Variants in KMT2C observed in about 807,000 individuals in gnomAD.
KMT2C encodes lysine methyltransferase 2C.
In KMT2C, 88 loss-of-function variants were observed where a neutral mutation model predicts 507.9. The ratio of observed to expected loss-of-function variants is 0.17; its 90% CI spans 0.15 to 0.21. KMT2C has a LOEUF of 0.21. Ranked by LOEUF, KMT2C falls within the 10% of genes least tolerant of loss-of-function variation. KMT2C has a pLI of 1.00. For missense variants in KMT2C, 4,954 were observed against 5,957.8 expected (o/e 0.83, Z 5.55); for synonymous variants, 2,049 against 2,080.8 (o/e 0.98, Z 0.42).
In KMT2C at chr7:152,163,730, T is replaced by C; in HGVS notation, c.9847A>G (p.Ser3283Gly). 6.2e-7 allele frequency: 1 copy of C among 1,614,188 alleles called. No homozygotes were observed. Among genetic ancestry groups the C allele is most frequent in the Non-Finnish European group, 8.5e-7 (1 of 1,180,018 alleles). The change falls in exon 43 of 59, where the codon AGT becomes GGT. Residue 3283 changes from serine to glycine, a missense_variant. Around this residue, in one of 29 missense-constraint regions of KMT2C, gnomAD observed 801 missense variants for 751.2 expected, o/e 1.07. Transcript: ENST00000262189. ...ATTAGGGGTGGCTGGGGCTGGACAC[T>C]GGGCATCATGGTAGGTGGGGCCATT... ...CAMAPPTMMP[S>G]VQPQPPLIPG...
Position 152,235,911 on chromosome 7 carries a change from C to T in KMT2C, c.2675G>A (p.Gly892Glu), listed in dbSNP as rs372408170. The T allele has an allele frequency of 2.6e-4, 422 of 1,611,708 alleles. No homozygotes were observed. The highest frequency in any genetic ancestry group is 1.2e-4 in the Admixed American group (7 of 59,992). ...IKVGRGSGFP[G>E]KRRPRGAGLS... ...TCCTGCACCTCGAGGTCTCCGCTTT[C>T]CTGGAAATCCAGACCCACGGCCCTA... The change falls in exon 16 of 59, where the codon GGA (glycine) becomes GAA (glutamate). Residue 892 changes from glycine (G) to glutamate (E), a missense_variant. Transcript: ENST00000262189.
At chr7:152,141,356 AATCT>A (rs2090514638) in intron 55 of KMT2C, among the ~76,000 whole-genome samples, 1 of 151,822 alleles carries the variant, frequency 6.6e-6, no homozygotes, top group Non-Finnish European at 1.5e-5. Context: ...CATGTATGAA[AATCT>A]AACGTACAGT....
intron 1 of KMT2C, among the ~76,000 whole-genome samples, chr7:152,371,672 G>A (rs1369270130): frequency 6.6e-6 from 1 of 151,696 alleles, no homozygotes; most frequent in Non-Finnish European, 1.5e-5. Context: ...GGAGTGCAGT[G>A]GCATGATCTC....
intron 6 of KMT2C, among the ~76,000 whole-genome samples, chr7:152,302,015 G>T (rs1468070596): frequency 2.0e-5 from 3 of 151,976 alleles, no homozygotes; most frequent in African/African-American, 7.3e-5. Context: ...CTATAGGAAG[G>T]CTATTTTTGT....
In KMT2C at chr7:152,414,299, G is replaced by C. The variant is rs892083690; in HGVS notation, c.161+21327C>G. On this transcript the variant is annotated intron_variant, in intron 1 of 58. Transcript: ENST00000262189. Reference sequence around the variant, plus strand: ...ATCCCAGCATTTTGGGAGGCCAAGGGGGTGCGGATCACCTGAGGTCAGGAG... The same window carrying C: ...ATCCCAGCATTTTGGGAGGCCAAGGCGGTGCGGATCACCTGAGGTCAGGAG... 4.6e-5 allele frequency among the ~76,000 whole-genome samples: 7 copies of C among 150,840 alleles called. No individual in the cohort carries two copies. In the East Asian group the frequency reaches 1.2e-3, roughly 26 times the overall value.
intron 2 of KMT2C, among the ~76,000 whole-genome samples, chr7:152,331,607 T>TCAA (rs368990623): frequency 0.12 from 16,401 of 134,176 alleles, 1,143 homozygotes; most frequent in South Asian, 0.17. Flanking sequence ...AGATCCTACC[T>TCAA]CAACAACAAC....
chr7:152,396,672 A>G (rs1401393287), intron 1 of KMT2C, among the ~76,000 whole-genome samples: 2 of 152,192 alleles, frequency 1.3e-5, no homozygotes, highest in East Asian at 3.8e-4. Flanking sequence ...GTGATTTAGT[A>G]AAGAAAAAAT....
chr7:152,357,515 G>A (rs2097162155), intron 2 of KMT2C, among the ~76,000 whole-genome samples: 1 of 151,898 alleles, frequency 6.6e-6, no homozygotes, highest in Admixed American at 6.6e-5. Flanking sequence ...CCAGGCAACA[G>A]AGCAAGACTC....
At chr7:152,236,973 C>A (rs959143661) in intron 15 of KMT2C, among the ~76,000 whole-genome samples, 5 of 152,150 alleles carry the variant, frequency 3.3e-5, no homozygotes, top group African/African-American at 9.7e-5. Flanking sequence ...ACTTCTTACA[C>A]AAGAAATAAA....
In KMT2C at chr7:152,177,098, T is replaced by C; in HGVS notation, c.8355A>G (p.Leu2785=). ...GTTCAACAGATACACACTGATTATC[T>C]AACTTATCATCAATTGGAAGGTCTA... ...EELDLPIDDK[L]DNQCVSVEPK... Residue 2785 remains leucine, a synonymous_variant, in exon 38 of 59, where the codon TTA becomes TTG. Transcript: ENST00000262189. 1.2e-6 allele frequency: 2 copies of C among 1,612,688 alleles called. No individual in the cohort carries two copies. The highest frequency in any genetic ancestry group is 1.7e-6 in the Non-Finnish European group (2 of 1,179,294).
intron 8 of KMT2C, 41 bp from the exon 9 acceptor site, chr7:152,263,171 C>T (rs754260032): frequency 6.5e-7 from 1 of 1,534,112 alleles, no homozygotes; most frequent in East Asian, 2.3e-5. Context: ...TATCTTTAAA[C>T]TTATGTTTTG....
chr7:152,380,997 C>A (rs1589602211), intron 1 of KMT2C, among the ~76,000 whole-genome samples: 1 of 152,284 alleles, frequency 6.6e-6, no homozygotes, highest in East Asian at 1.9e-4. Context: ...GTATTAGAAT[C>A]ATTTATATAC....
chr7:152,373,963 T>C (rs10274209), intron 1 of KMT2C, among the ~76,000 whole-genome samples: 5,717 of 152,194 alleles, frequency 0.038, 378 homozygotes, highest in African/African-American at 0.13. Context: ...CTATAGAATA[T>C]GATAAAGTGC....
chr7:152,144,601 T>C lies in KMT2C; in HGVS notation c.14343+112A>G, dbSNP rs1013822117. On this transcript the variant is annotated intron_variant, in intron 55 of 58. Transcript: ENST00000262189. This position sits in a 1 kb window ranked among gnomAD's most constrained non-coding sequence, Gnocchi z 4.4. Reference sequence around the variant, plus strand: ...GATTTGATACGATTTTGAAAACACGTTTCTGTCCCTGCAGCTATGTGAAAT... The same window carrying C: ...GATTTGATACGATTTTGAAAACACGCTTCTGTCCCTGCAGCTATGTGAAAT... The C allele has an allele frequency of 9.5e-7, 1 of 1,053,306 alleles. No individual in the cohort carries two copies. The highest frequency in any genetic ancestry group is 1.4e-6 in the Non-Finnish European group (1 of 711,652). The allele number at this position is 1,053,306 out of a possible 1,614,324, so 65.2% of individuals were successfully genotyped here.
intron 4 of KMT2C, among the ~76,000 whole-genome samples, chr7:152,313,277 A>G (rs1188205965): frequency 6.6e-6 from 1 of 152,086 alleles, no homozygotes; most frequent in African/African-American, 2.4e-5. Flanking sequence ...TAACTACTAA[A>G]TGTTGTTTTA....
At chr7:152,370,487 GAAC>G (rs911393000) in intron 1 of KMT2C, among the ~76,000 whole-genome samples, 4 of 152,122 alleles carry the variant, frequency 2.6e-5, no homozygotes, top group African/African-American at 9.7e-5. Context: ...AAAAAGGAGG[GAAC>G]AACATTTCTC....
chr7:152,194,904 G>A (rs2093918202), intron 28 of KMT2C, among the ~76,000 whole-genome samples: 1 of 150,980 alleles, frequency 6.6e-6, no homozygotes, highest in Non-Finnish European at 1.5e-5. Context: ...GCAAATAATT[G>A]CTTTAATTTG....
chr7:152,323,283 C>G (rs2096788577), intron 3 of KMT2C, among the ~76,000 whole-genome samples: 1 of 151,914 alleles, frequency 6.6e-6, no homozygotes, highest in Non-Finnish European at 1.5e-5. Flanking sequence ...AAGTATCCAT[C>G]AATAGATGAA....
chr7:152,148,154 A>G lies in KMT2C; in HGVS notation c.13773T>C (p.Tyr4591=). 1 of 1,614,156 alleles carries G rather than the reference A, an allele frequency of 6.2e-7. No homozygotes were observed. Among genetic ancestry groups the G allele is most frequent in the Non-Finnish European group, 8.5e-7 (1 of 1,179,962 alleles). ...EASRLYWSTR[Y]ANRRCRYLCS... is the part of the protein sequence containing the mutation. ...ACAGGTAGCGGCAGCGCCTATTGGC[A>G]TAGCGAGTGCTCCAGTACAGCCGGC... Residue 4591 remains tyrosine (Y), a synonymous_variant, in exon 52 of 59, where the codon TAT becomes TAC. Transcript: ENST00000262189. This position sits in a 1 kb window ranked among gnomAD's most constrained non-coding sequence, Gnocchi z 7.1.
Sources: gnomAD v4.1 joint callset for allele counts (sites outside exome capture counted in the v4.1 genomes callset) on GRCh38, gnomAD v4.1.1 for gene constraint, gnomAD v4.1.1 regional missense constraint, Gnocchi (gnomAD v3.1) non-coding constraint, MANE v1.5 for transcripts, NCBI Gene and HGNC (gene_info 2026-07-23, HGNC 2026-07-21) for gene names.